Variants in USP6NL observed in about 807,000 individuals in gnomAD.
USP6NL encodes the protein USP6 N-terminal-like protein.
A neutral mutation model predicts 61.9 loss-of-function variants in USP6NL; 26 were observed. The ratio of observed to expected loss-of-function variants is 0.42; its 90% CI spans 0.31 to 0.58. The LOEUF is 0.58. USP6NL is among the 20% of genes least tolerant of loss of function. USP6NL has a pLI of 0.16. For missense variants in USP6NL, 1,114 were observed against 1,034.3 expected, an observed-to-expected ratio of 1.08 and a Z score of -1.06; for synonymous variants, 432 against 390.1, an observed-to-expected ratio of 1.11 and a Z score of -1.27.
At chr10:11,606,780 AT>A (rs1300732789) in intron 1 of USP6NL, among the ~76,000 whole-genome samples, 9 of 151,838 alleles carry the variant, frequency 5.9e-5, no homozygotes, top group Non-Finnish European at 7.4e-5. Context: ...GTGAAGACAG[AT>A]TTTGAAATTT....
At chr10:11,531,733 T>C (rs977955590) in intron 2 of USP6NL, among the ~76,000 whole-genome samples, 2 of 152,182 alleles carry the variant, frequency 1.3e-5, no homozygotes, top group African/African-American at 4.8e-5. Context: ...TGATTTTTTT[T>C]ATCTAATGTA....
chr10:11,582,563 T>C (rs1395426466), intron 2 of USP6NL, among the ~76,000 whole-genome samples: 11 of 152,248 alleles, frequency 7.2e-5, no homozygotes, highest in Non-Finnish European at 1.3e-4. Flanking sequence ...CCACAGAATA[T>C]GTGTTTATGG....
chr10:11,532,523 A>G lies in USP6NL; in HGVS notation c.5-4956T>C, dbSNP rs555085055. Among the ~76,000 whole-genome samples, 4 of 152,284 alleles carry G rather than the reference A, an allele frequency of 2.6e-5. No individual in the cohort carries two copies. The East Asian group carries it at 5.8e-4, about 22-fold the overall frequency. On this transcript the variant is annotated intron_variant, in intron 2 of 14. Coordinates refer to ENST00000609104, the MANE Select transcript of USP6NL (RefSeq NM_014688.5). The surrounding 1 kb of genome is among the most constrained non-coding windows in gnomAD (Gnocchi z 4.1). ...AACACGGCTTTCAGGCTACATCCCA[A>G]CTATGAGGCACACCAGCCTACACCA... is the stretch of plus-strand genomic sequence containing the variant.
At chr10:11,593,011 G>A (rs1419806320) in intron 2 of USP6NL, among the ~76,000 whole-genome samples, 1 of 152,118 alleles carries the variant, frequency 6.6e-6, no homozygotes, top group Admixed American at 6.5e-5. Context: ...TCTTCCTCAG[G>A]TGAATGAGAA....
In USP6NL at chr10:11,463,321, G is replaced by T; in HGVS notation, c.1607C>A (p.Ala536Asp). The change falls in exon 15 of 15, where the codon GCC becomes GAC. Residue 536 changes from alanine to aspartate, a missense_variant. By Grantham distance (126) the Ala-to-Asp change is moderately radical. Coordinates refer to ENST00000609104, the MANE Select transcript of USP6NL (RefSeq NM_014688.5). The surrounding 1 kb of genome is among the most constrained non-coding windows in gnomAD (Gnocchi z 6.3). ...CCGCTTCCCGTCCTCAGCATCCAGG[G>T]CCTTCATCTTTGGCCGCACGTTTGA... ...RVSNVRPKMKALDAEDGKRGS... is the reference protein window; with the variant it reads ...RVSNVRPKMKDLDAEDGKRGS... 6.2e-7 allele frequency: 1 copy of T among 1,613,928 alleles called. No homozygotes were observed. Among genetic ancestry groups the T allele is most frequent in the Admixed American group, 1.7e-5 (1 of 60,024 alleles).
chr10:11,556,309 G>A (rs184541824), intron 2 of USP6NL, among the ~76,000 whole-genome samples: 5 of 152,148 alleles, frequency 3.3e-5, no homozygotes, highest in Admixed American at 3.3e-4. Context: ...TTTATAACAG[G>A]TATGAGAATA....
At chr10:11,542,392 G>C (rs187165274) in intron 2 of USP6NL, among the ~76,000 whole-genome samples, 2 of 152,278 alleles carry the variant, frequency 1.3e-5, no homozygotes, top group South Asian at 2.1e-4. Context: ...AAAAGTTTTA[G>C]GTACAAAACA....
In USP6NL at chr10:11,490,056, C is replaced by T. The variant is rs998207624; in HGVS notation, c.543+776G>A. On this transcript the variant is annotated intron_variant, in intron 9 of 14. Transcript: ENST00000609104. This position sits in a 1 kb window ranked among gnomAD's most constrained non-coding sequence, Gnocchi z 4.5. The stretch of plus-strand genomic sequence containing the variant: ...AGGTGCAGCTTTCCTTCTCACCAGA[C>T]GCTTCCCACCTTCCAGCTCCAATTC... Among the ~76,000 whole-genome samples the T allele has an allele frequency of 6.6e-6, 1 of 152,198 alleles. No individual in the cohort carries two copies. The highest frequency in any genetic ancestry group is 1.5e-5 in the Non-Finnish European group (1 of 68,038).
At position 11,518,122 on chromosome 10, in the gene USP6NL, G is replaced by A. The variant is rs968003177; in HGVS notation, c.195+413C>T. Among the ~76,000 whole-genome samples the A allele has an allele frequency of 1.3e-5, 2 of 152,204 alleles. No individual in the cohort carries two copies. Among genetic ancestry groups the A allele is most frequent in the African/African-American group, 4.8e-5 (2 of 41,442 alleles). ...AAATTTACTAAAATCTCCTGGAACA[G>A]TCACATTTCAAAGAACTGCTGGTCT... is the stretch of plus-strand genomic sequence containing the variant. On this transcript the variant is annotated intron_variant, in intron 5 of 14. Transcript: ENST00000609104. The surrounding 1 kb of genome is among the most constrained non-coding windows in gnomAD (Gnocchi z 5.3).
chr10:11,477,016 C>T (rs1832996103), intron 14 of USP6NL, among the ~76,000 whole-genome samples: 1 of 152,140 alleles, frequency 6.6e-6, no homozygotes, highest in Non-Finnish European at 1.5e-5. Flanking sequence ...GGATTACAGG[C>T]ACCTGCCACC....
At position 11,489,090 on chromosome 10, in the gene USP6NL, G is replaced by A; in HGVS notation, c.664+12C>T. 1 of 1,613,030 alleles carries A rather than the reference G, an allele frequency of 6.2e-7. No homozygotes were observed. Among genetic ancestry groups the A allele is most frequent in the Non-Finnish European group, 8.5e-7 (1 of 1,179,480 alleles). On this transcript the variant is annotated intron_variant, in intron 10 of 14. Coordinates refer to ENST00000609104, the MANE Select transcript of USP6NL (RefSeq NM_014688.5). The surrounding 1 kb of genome is among the most constrained non-coding windows in gnomAD (Gnocchi z 5.7). ...ACCTTGATTGTTTAGATAAAGCACA[G>A]GGTTTTCTTACCATGCATGGCATGT...
intron 2 of USP6NL, among the ~76,000 whole-genome samples, chr10:11,580,871 G>GGATGGATGGATGGATGGATC (rs1797311230): frequency 1.4e-5 from 2 of 140,488 alleles, no homozygotes; most frequent in African/African-American, 6.1e-5. Flanking sequence ...GATAGATGAT[G>GGATGGATGGATGGATGGATC]GATGGATGGA....
In USP6NL at chr10:11,513,594, T is replaced by G. The variant is rs1337731513; in HGVS notation, c.196-3919A>C. On this transcript the variant is annotated intron_variant, in intron 5 of 14. Coordinates refer to ENST00000609104, the MANE Select transcript of USP6NL (RefSeq NM_014688.5). This position sits in a 1 kb window ranked among gnomAD's most constrained non-coding sequence, Gnocchi z 4.7. Reference sequence around the variant, plus strand: ...TTTTGCTAGATTTCATTTATACTATTTAGGTTTTTAGGGGGAACTGATCAT... The same window carrying G: ...TTTTGCTAGATTTCATTTATACTATGTAGGTTTTTAGGGGGAACTGATCAT... Among the ~76,000 whole-genome samples, 1 of 152,196 alleles carries G rather than the reference T, an allele frequency of 6.6e-6. No homozygotes were observed. Among genetic ancestry groups the G allele is most frequent in the Non-Finnish European group, 1.5e-5 (1 of 68,030 alleles).
chr10:11,504,876 CTCCCCA>C (rs1834369004), intron 6 of USP6NL, among the ~76,000 whole-genome samples: 1 of 152,218 alleles, frequency 6.6e-6, no homozygotes, highest in Non-Finnish European at 1.5e-5. Flanking sequence ...TAGAGACAGA[CTCCCCA>C]GTGAGCCAGA....
rs1348503327 is a variant in USP6NL at position 11,548,056 on chromosome 10, CCTT to C, written c.5-20492_5-20490del. ...CTTAATAAGTGATCACTCAATTTCT[CCTT>C]AAGGCTTCCAGAAATGAAAATCTCA... On this transcript the variant is annotated intron_variant, in intron 2 of 14. Transcript: ENST00000609104. The surrounding 1 kb of genome is among the most constrained non-coding windows in gnomAD (Gnocchi z 4.3). Among the ~76,000 whole-genome samples the C allele has an allele frequency of 2.0e-5, 3 of 152,170 alleles. No homozygotes were observed. The highest frequency in any genetic ancestry group is 7.2e-5 in the African/African-American group (3 of 41,438).
rs139670808 is a variant in USP6NL, at chr10:11,598,803, C to T, written c.-83-1086G>A. Among the ~76,000 whole-genome samples the T allele has an allele frequency of 8.5e-5, 13 of 152,334 alleles. No homozygotes were observed. The East Asian group carries it at 2.5e-3, about 29-fold the overall frequency. On this transcript the variant is annotated intron_variant, in intron 1 of 14. Transcript: ENST00000609104. This position sits in a 1 kb window ranked among gnomAD's most constrained non-coding sequence, Gnocchi z 4.7. ...CTGCTTGCCACATCTATATACTGTA[C>T]TTGCGTCATGTAATATACATGAGAA...
rs538248169 is a variant in USP6NL, at chr10:11,596,480, T to C, written c.4+1151A>G. On this transcript the variant is annotated intron_variant, in intron 2 of 14. Transcript: ENST00000609104. This position sits in a 1 kb window ranked among gnomAD's most constrained non-coding sequence, Gnocchi z 4.1. ...ACTAAAAATACAAAAAAAAATTAGCTGGGCCTGGTGGCGGGCGCCTGTAGT... is the reference window on the plus strand; with the variant it reads ...ACTAAAAATACAAAAAAAAATTAGCCGGGCCTGGTGGCGGGCGCCTGTAGT... Among the ~76,000 whole-genome samples the C allele has an allele frequency of 1.7e-4, 26 of 152,010 alleles. No homozygotes were observed. The East Asian group carries it at 3.9e-3, about 23-fold the overall frequency.
Position 11,596,813 on chromosome 10 carries a change from AC to A in USP6NL, c.4+817del, listed in dbSNP as rs927521004. On this transcript the variant is annotated intron_variant, in intron 2 of 14. Coordinates refer to ENST00000609104, the MANE Select transcript of USP6NL (RefSeq NM_014688.5). The surrounding 1 kb of genome is among the most constrained non-coding windows in gnomAD (Gnocchi z 4.1). ...ACAGCAGCGTCATTTTCACTTATCT[AC>A]TGCCTAATTATTTGAACTGATGATG... Among the ~76,000 whole-genome samples the A allele has an allele frequency of 6.6e-6, 1 of 152,152 alleles. No individual in the cohort carries two copies. Among genetic ancestry groups the A allele is most frequent in the African/African-American group, 2.4e-5 (1 of 41,438 alleles).
In USP6NL at chr10:11,520,167, T is replaced by C. The variant is rs1835147830; in HGVS notation, c.156-1593A>G. On this transcript the variant is annotated intron_variant, in intron 4 of 14. Transcript: ENST00000609104. The surrounding 1 kb of genome is among the most constrained non-coding windows in gnomAD (Gnocchi z 5.2). ...TGGGTTCAACTTCATACAGACAAGATCTCAGATCATGCAGGAGTATATGAA... is the reference window on the plus strand; with the variant it reads ...TGGGTTCAACTTCATACAGACAAGACCTCAGATCATGCAGGAGTATATGAA... Among the ~76,000 whole-genome samples, 3 of 152,158 alleles carry C rather than the reference T, an allele frequency of 2.0e-5. No homozygotes were observed. The highest frequency in any genetic ancestry group is 7.2e-5 in the African/African-American group (3 of 41,424).
Sources: allele counts gnomAD v4.1 joint callset (sites outside exome capture counted in the v4.1 genomes callset), GRCh38; gene constraint gnomAD v4.1.1; non-coding constraint Gnocchi (gnomAD v3.1); transcripts MANE v1.5; gene names NCBI Gene and HGNC (gene_info 2026-07-23, HGNC 2026-07-21).